SUGCT: variants seen among roughly 807,000 people sequenced by gnomAD.
SUGCT encodes succinyl-CoA:glutarate-CoA transferase, also known as succinyl-CoA:glutarate CoA-transferase.
In SUGCT, 41 loss-of-function variants were observed where a neutral mutation model predicts 55.0. That is an observed-to-expected ratio of 0.74 (90% CI 0.58 to 0.97). The LOEUF (loss-of-function observed/expected upper bound fraction) is 0.97. Among genes scored for constraint, SUGCT ranks in the 50% least tolerant of loss-of-function variants. The pLI is 0.00. For synonymous variants in SUGCT, 187 were observed against 200.4 expected, an observed-to-expected ratio of 0.93 and a Z score of 0.56; for missense variants, 568 against 547.8, an observed-to-expected ratio of 1.04 and a Z score of -0.37.
intron 9 of SUGCT, among the ~76,000 whole-genome samples, chr7:40,366,867 G>A (rs1288577067): frequency 6.6e-6 from 1 of 152,104 alleles, no homozygotes; most frequent in East Asian, 1.9e-4. Flanking sequence ...CGATTCCTCA[G>A]GGATCTCGAA....
At chr7:40,430,068 A>G (rs1171038942) in intron 9 of SUGCT, among the ~76,000 whole-genome samples, 1 of 152,174 alleles carries the variant, frequency 6.6e-6, no homozygotes, top group East Asian at 1.9e-4. Flanking sequence ...TTCTTTATTT[A>G]TCGATGAACA....
chr7:40,586,489 C>T (rs1275006941), intron 12 of SUGCT, among the ~76,000 whole-genome samples: 2 of 152,064 alleles, frequency 1.3e-5, no homozygotes, highest in Non-Finnish European at 2.9e-5. Context: ...AGAAGTCCTC[C>T]TGGAGGAAGA....
chr7:40,215,957 G>A (rs1672698637), intron 6 of SUGCT, among the ~76,000 whole-genome samples: 6 of 152,152 alleles, frequency 3.9e-5, no homozygotes, highest in South Asian at 2.1e-4. Context: ...TTGGGATTTC[G>A]AAATTGTTTC....
chr7:40,713,995 C>G (rs920884641), intron 12 of SUGCT, among the ~76,000 whole-genome samples: 1 of 152,188 alleles, frequency 6.6e-6, no homozygotes, highest in African/African-American at 2.4e-5. Flanking sequence ...AACTTTATGT[C>G]AGTTTCCATG....
intron 12 of SUGCT, among the ~76,000 whole-genome samples, chr7:40,748,540 AT>A (rs1286056959): frequency 1.3e-5 from 2 of 151,260 alleles, no homozygotes; most frequent in South Asian, 4.2e-4. Context: ...TTTTTTTATG[AT>A]TTTTGTTGTA....
intron 13 of SUGCT, among the ~76,000 whole-genome samples, chr7:40,798,770 C>T (rs905549523): frequency 2.7e-4 from 41 of 152,142 alleles, no homozygotes; most frequent in African/African-American, 9.2e-4. Flanking sequence ...TCAGAACTAT[C>T]ATAAGGATCC....
chr7:40,798,114 C>T (rs1463430929), intron 13 of SUGCT, among the ~76,000 whole-genome samples: 2 of 152,164 alleles, frequency 1.3e-5, no homozygotes, highest in South Asian at 2.1e-4. Context: ...ATTCTCCAAC[C>T]TTCCTTACTC....
At chr7:40,375,776 G>C (rs761017450) in intron 9 of SUGCT, among the ~76,000 whole-genome samples, 1 of 152,018 alleles carries the variant, frequency 6.6e-6, no homozygotes, top group Non-Finnish European at 1.5e-5. Flanking sequence ...TTACAGTAAC[G>C]TACCCTCATA....
At chr7:40,712,501 A>G (rs1785780145) in intron 12 of SUGCT, among the ~76,000 whole-genome samples, 2 of 152,266 alleles carry the variant, frequency 1.3e-5, no homozygotes, top group Non-Finnish European at 2.9e-5. Context: ...GCAGTATGGA[A>G]GGAAAACTAC....
chr7:40,203,930 C>A (rs1349596532), intron 6 of SUGCT, among the ~76,000 whole-genome samples: 2 of 151,718 alleles, frequency 1.3e-5, no homozygotes, highest in African/African-American at 4.8e-5. Context: ...TATAAAAAAT[C>A]AATTGAAAGG....
rs113651138 is a variant in SUGCT, at chr7:40,224,951, C to G, written c.485-12684C>G. Among the ~76,000 whole-genome samples, 594 of 152,308 alleles carry G rather than the reference C, an allele frequency of 3.9e-3. 8 individuals carry two copies. The highest frequency in any genetic ancestry group is 0.018 in the South Asian group (85 of 4,824). On this transcript the variant is annotated intron_variant, in intron 6 of 13. Coordinates refer to ENST00000335693, the MANE Select transcript of SUGCT (RefSeq NM_001193313.2). ...TCTATAGGGGCATCCACACTGCATT[C>G]CCATGGGAGAAGCCCCAGCTGTGTC...
intron 6 of SUGCT, among the ~76,000 whole-genome samples, chr7:40,209,482 C>A (rs894392020): frequency 2.7e-5 from 4 of 150,660 alleles, no homozygotes; most frequent in African/African-American, 4.9e-5. Flanking sequence ...GGCTGCAGAG[C>A]AAGACTACGT....
chr7:40,223,319 C>T lies in SUGCT; in HGVS notation c.485-14316C>T, dbSNP rs1788151906. Among the ~76,000 whole-genome samples, 4 of 152,282 alleles carry T rather than the reference C, an allele frequency of 2.6e-5. No homozygotes were observed. In the South Asian group the frequency reaches 8.3e-4, roughly 32 times the overall value. ...CAAGTGATCCACCCGCCTTGGCCTC[C>T]CAAAGTGCTGGGATTACAGGTGTAA... On this transcript the variant is annotated intron_variant, in intron 6 of 13. Coordinates refer to ENST00000335693, the MANE Select transcript of SUGCT (RefSeq NM_001193313.2).
intron 12 of SUGCT, among the ~76,000 whole-genome samples, chr7:40,647,269 C>T (rs938335618): frequency 1.2e-4 from 18 of 152,102 alleles, no homozygotes; most frequent in African/African-American, 3.6e-4. Context: ...GAGAGACAAA[C>T]ACAAATATCT....
chr7:40,674,230 A>C (rs116130772), intron 12 of SUGCT, among the ~76,000 whole-genome samples: 1 of 152,198 alleles, frequency 6.6e-6, no homozygotes, highest in Non-Finnish European at 1.5e-5. Context: ...GACTTTTACT[A>C]TAGGATACAC....
At chr7:40,164,758 A>G (rs937919567) in intron 1 of SUGCT, among the ~76,000 whole-genome samples, 10 of 152,236 alleles carry the variant, frequency 6.6e-5, no homozygotes, top group Admixed American at 2.0e-4. Context: ...TAATCCGTCA[A>G]TACATACTCA....
chr7:40,323,941 A>AT (rs977784680), intron 9 of SUGCT, among the ~76,000 whole-genome samples: 1 of 151,912 alleles, frequency 6.6e-6, no homozygotes. Flanking sequence ...CCCCTCTGAG[A>AT]TGACTACCTC....
intron 12 of SUGCT, among the ~76,000 whole-genome samples, chr7:40,593,249 C>A (rs556222676): frequency 3.9e-5 from 6 of 152,164 alleles, no homozygotes; most frequent in Non-Finnish European, 8.8e-5. Flanking sequence ...AGTGGGAACC[C>A]CTCTCCCTTT....
rs569092734 is a variant in SUGCT at position 40,264,157 on chromosome 7, C to A, written c.577-10356C>A. The stretch of plus-strand genomic sequence containing the variant: ...AGTAGACACTGATCTCTAAACAACT[C>A]GTGTACTTTCCTGCTTGTTTACCTT... On this transcript the variant is annotated intron_variant, in intron 7 of 13. Coordinates refer to ENST00000335693, the MANE Select transcript of SUGCT (RefSeq NM_001193313.2). 2.0e-5 allele frequency among the ~76,000 whole-genome samples: 3 copies of A among 152,098 alleles called. No homozygotes were observed. The South Asian group carries it at 6.2e-4, about 32-fold the overall frequency.
Sources: allele counts gnomAD v4.1 joint callset (sites outside exome capture counted in the v4.1 genomes callset), GRCh38; gene constraint gnomAD v4.1.1; transcripts MANE v1.5; gene names NCBI Gene and HGNC (gene_info 2026-07-23, HGNC 2026-07-21).